PTAFR: variants seen among roughly 807,000 people sequenced by gnomAD.
PTAFR encodes platelet activating factor receptor.
Under a neutral mutation model 14.7 loss-of-function variants are expected in PTAFR, and 8 were observed. That is an observed-to-expected ratio of 0.54 (90% CI 0.32 to 0.98). The LOEUF (loss-of-function observed/expected upper bound fraction) is 0.98. Ranked by LOEUF, PTAFR falls within the 50% of genes least tolerant of loss-of-function variation. The pLI, the probability that PTAFR is intolerant of heterozygous loss-of-function variation, is 0.04. For synonymous variants in PTAFR, 156 were observed against 176.5 expected, an observed-to-expected ratio of 0.88 and a Z score of 0.92; for missense variants, 337 against 451.2, an observed-to-expected ratio of 0.75 and a Z score of 2.29.
chr1:28,177,791 G>A (rs1260385153), upstream of PTAFR, among the ~76,000 whole-genome samples: 1 of 151,860 alleles, frequency 6.6e-6, no homozygotes, highest in Admixed American at 6.6e-5. Flanking sequence ...GTTCATGGGA[G>A]CATGCAGGTG....
chr1:28,150,060 G>A lies in PTAFR; in HGVS notation c.962C>T (p.Thr321Ile). The A allele has an allele frequency of 1.9e-6, 3 of 1,614,218 alleles. No individual in the cohort carries two copies. The highest frequency in any genetic ancestry group is 2.5e-6 in the Non-Finnish European group (3 of 1,180,030). The change falls in exon 2 of 2, where the codon ACC becomes ATC. Residue 321 changes from threonine to isoleucine, a missense_variant. Coordinates refer to ENST00000373857, the MANE Select transcript of PTAFR (RefSeq NM_000952.5). The surrounding 1 kb of genome is among the most constrained non-coding windows in gnomAD (Gnocchi z 6.3). ...AACCACTTCAGTGACCGTATCCGTG[G>A]TGGCCCGGGAGCATTTCCGGCTACT... is the stretch of plus-strand genomic sequence containing the variant. ...MRSSRKCSRATTDTVTEVVVP... is the reference protein window; with the variant it reads ...MRSSRKCSRAITDTVTEVVVP...
intron 1 of PTAFR, 137 bp from the exon 2 acceptor site, chr1:28,151,196 T>C (rs79668875): frequency 3.4e-6 from 2 of 583,010 alleles, no homozygotes; most frequent in South Asian, 2.4e-5. Flanking sequence ...TTTTTTTTTT[T>C]CAGATGGAGT....
At chr1:28,190,678 C>T (rs777598874) in intron 1 of PTAFR, among the ~76,000 whole-genome samples, 1 of 152,088 alleles carries the variant, frequency 6.6e-6, no homozygotes, top group Admixed American at 6.6e-5. Flanking sequence ...GAAAGAGTCA[C>T]GGGAGGAAGG....
At chr1:28,180,633 A>G (rs1046073621), upstream of PTAFR, among the ~76,000 whole-genome samples, 2 of 152,284 alleles carry the variant, frequency 1.3e-5, no homozygotes, top group Admixed American at 1.3e-4. Flanking sequence ...GTGGGTCTGG[A>G]GGAGAAAGCA....
chr1:28,170,535 C>T (rs530082060), intron 1 of PTAFR, among the ~76,000 whole-genome samples: 1 of 151,930 alleles, frequency 6.6e-6, no homozygotes, highest in Admixed American at 6.6e-5. Context: ...CAAATTTTGT[C>T]TCTACAAAAT....
chr1:28,181,119 A>AT (rs1646559468), upstream of PTAFR, among the ~76,000 whole-genome samples: 1 of 152,082 alleles, frequency 6.6e-6, no homozygotes, highest in Admixed American at 6.6e-5. Flanking sequence ...AAGTGCTGGG[A>AT]TTACAGGTGT....
chr1:28,174,567 T>G lies in PTAFR; in HGVS notation c.-39+2025A>C, dbSNP rs566069024. Among the ~76,000 whole-genome samples the G allele has an allele frequency of 5.9e-4, 90 of 152,240 alleles. 1 individual carries two copies. Among genetic ancestry groups the G allele is most frequent in the African/African-American group, 2.0e-3 (82 of 41,538 alleles). ...AGATGGGGAAACTGAGGCCCGGAGA[T>G]GAGAAAGGATTTTCCCAAGGTGAAC... On this transcript the variant is annotated intron_variant, in intron 1 of 1. Transcript: ENST00000373857.
At chr1:28,191,752 CTTTT>C (rs570632098) in intron 1 of PTAFR, among the ~76,000 whole-genome samples, 2 of 144,100 alleles carry the variant, frequency 1.4e-5, no homozygotes, top group African/African-American at 5.1e-5. Flanking sequence ...AACTCTCTCT[CTTTT>C]TTTTTTTTAA....
At chr1:28,179,411 G>T (rs768339731), upstream of PTAFR, among the ~76,000 whole-genome samples, 6 of 152,198 alleles carry the variant, frequency 3.9e-5, no homozygotes, top group Non-Finnish European at 1.5e-5. Flanking sequence ...AGCAGGGTAG[G>T]TAGGTAGATA....
At position 28,150,464 on chromosome 1, in the gene PTAFR, G is replaced by T. The variant is rs775409202; in HGVS notation, c.558C>A (p.Ile186=). 9 of 1,614,106 alleles carry T rather than the reference G, an allele frequency of 5.6e-6. No homozygotes were observed. Among genetic ancestry groups the T allele is most frequent in the Non-Finnish European group, 1.7e-6 (2 of 1,180,040 alleles). ...HYEKGSVPVL[I]IHIFIVFSFF... is the part of the protein sequence containing the mutation. ...AGCTGAACACGATGAAGATGTGGAT[G>T]ATGAGGACTGGCACGCTGCCCTTCT... Residue 186 remains isoleucine (I), a synonymous_variant, in exon 2 of 2, where the codon ATC becomes ATA. Transcript: ENST00000373857. The surrounding 1 kb of genome is among the most constrained non-coding windows in gnomAD (Gnocchi z 6.3).
intron 1 of PTAFR, among the ~76,000 whole-genome samples, chr1:28,189,768 G>T (rs980280543): frequency 7.0e-6 from 1 of 141,938 alleles, no homozygotes; most frequent in Non-Finnish European, 1.5e-5. Context: ...TGGGCTCAAG[G>T]CGTCCTCCCA....
upstream of PTAFR, among the ~76,000 whole-genome samples, chr1:28,180,590 A>C (rs1557697349): frequency 1.3e-5 from 2 of 152,120 alleles, no homozygotes; most frequent in Admixed American, 6.6e-5. Flanking sequence ...AGAAGGGTGG[A>C]GTGTACTCTG....
chr1:28,191,027 T>C (rs933413667), intron 1 of PTAFR, among the ~76,000 whole-genome samples: 1 of 152,192 alleles, frequency 6.6e-6, no homozygotes, highest in African/African-American at 2.4e-5. Flanking sequence ...TTTTCTCCTC[T>C]TCCTCTTCCT....
At chr1:28,168,255 G>A (rs1282903009) in intron 1 of PTAFR, among the ~76,000 whole-genome samples, 9 of 151,806 alleles carry the variant, frequency 5.9e-5, no homozygotes, top group Non-Finnish European at 1.2e-4. Context: ...ACAGGCGTGA[G>A]CCACCGCGCC....
In PTAFR at chr1:28,150,535, C is replaced by A. The variant is rs377480051; in HGVS notation, c.487G>T (p.Asp163Tyr). The A allele has an allele frequency of 1.2e-6, 2 of 1,614,062 alleles. No individual in the cohort carries two copies. Among genetic ancestry groups the A allele is most frequent in the African/African-American group, 2.7e-5 (2 of 74,924 alleles). ...GTGACGTTGCCTGAGCCAGCACTGT[C>A]GGGCACTGTGTTGGTGGAGTCCAGG... Reference protein sequence around the residue: ...LILDSTNTVPDSAGSGNVTRC... With the variant: ...LILDSTNTVPYSAGSGNVTRC... The change falls in exon 2 of 2, where the codon GAC (aspartate) becomes TAC (tyrosine). Residue 163 changes from aspartate to tyrosine, a missense_variant. Coordinates refer to ENST00000373857, the MANE Select transcript of PTAFR (RefSeq NM_000952.5). The surrounding 1 kb of genome is among the most constrained non-coding windows in gnomAD (Gnocchi z 6.3).
intron 1 of PTAFR, among the ~76,000 whole-genome samples, chr1:28,184,082 GTT>G (rs1165813776): frequency 0.059 from 4,809 of 82,062 alleles, 206 homozygotes; most frequent in African/African-American, 0.18. Context: ...CCATTAGTCT[GTT>G]TTTTTTTTTT....
chr1:28,184,621 CCCTTTTGTTTTT>C (rs894011256), intron 1 of PTAFR, among the ~76,000 whole-genome samples: 1 of 151,924 alleles, frequency 6.6e-6, no homozygotes, highest in Non-Finnish European at 1.5e-5. Flanking sequence ...TCTCACCTCA[CCCTTTTGTTTTT>C]CCTTTTGTTT....
At position 28,150,146 on chromosome 1, in the gene PTAFR, G is replaced by A; in HGVS notation, c.876C>T (p.Ile292=). Residue 292 remains isoleucine (I), a synonymous_variant, in exon 2 of 2, where the codon ATC becomes ATT. Transcript: ENST00000373857. This position sits in a 1 kb window ranked among gnomAD's most constrained non-coding sequence, Gnocchi z 6.3. ...LSTNCVLDPV[I]YCFLTKKFRK... ...GGAACTTCTTGGTGAGGAAACAGTA[G>A]ATAACAGGGTCTAAGACACAGTTGG... is the stretch of plus-strand genomic sequence containing the variant. 1 of 1,614,196 alleles carries A rather than the reference G, an allele frequency of 6.2e-7. No homozygotes were observed. Among genetic ancestry groups the A allele is most frequent in the Non-Finnish European group, 8.5e-7 (1 of 1,180,026 alleles).
intron 1 of PTAFR, among the ~76,000 whole-genome samples, chr1:28,187,895 A>T (rs1230126546): frequency 6.6e-6 from 1 of 152,216 alleles, no homozygotes. Flanking sequence ...AAAACTGATG[A>T]AAGCCAGGTG....
Sources: allele counts gnomAD v4.1 joint callset (sites outside exome capture counted in the v4.1 genomes callset), GRCh38; gene constraint gnomAD v4.1.1; non-coding constraint Gnocchi (gnomAD v3.1); transcripts MANE v1.5; gene names NCBI Gene and HGNC (gene_info 2026-07-23, HGNC 2026-07-21).